Variants in TUBB8 observed in about 807,000 individuals in gnomAD.
The protein encoded by TUBB8 is tubulin beta 8 class VIII.
TUBB8 carries 25 observed loss-of-function variants against 33.7 expected under a neutral mutation model. The observed-to-expected ratio is 0.74, with a 90% confidence interval of 0.54 to 1.04. The LOEUF is 1.04. Ranked by LOEUF, TUBB8 falls within the 50% of genes least tolerant of loss-of-function variation. The probability of loss-of-function intolerance (pLI) is 0.00; values close to 1 mark genes in which losing one functional copy is unlikely to be tolerated. For missense variants in TUBB8, 279 were observed against 608.0 expected, an observed-to-expected ratio of 0.46 and a Z score of 5.69; for synonymous variants, 245 against 240.1, an observed-to-expected ratio of 1.02 and a Z score of -0.19.
intron 1 of TUBB8, among the ~76,000 whole-genome samples, chr10:61,393 A>C (rs1212242801): frequency 6.6e-6 from 1 of 152,126 alleles, no homozygotes; most frequent in Non-Finnish European, 1.5e-5. Context: ...ATATTGTTTA[A>C]TGTCCAAGTG....
intron 1 of TUBB8, among the ~76,000 whole-genome samples, chr10:56,544 C>T (rs546194978): frequency 1.9e-3 from 290 of 152,348 alleles, no homozygotes; most frequent in African/African-American, 6.4e-3. Context: ...AAAAATAAAT[C>T]CGGTGCTTGC....
At chr10:51,909 C>G (rs1263209395), upstream of TUBB8, among the ~76,000 whole-genome samples, 1 of 152,184 alleles carries the variant, frequency 6.6e-6, no homozygotes, top group Non-Finnish European at 1.5e-5. Context: ...AAAGTAAAAG[C>G]TAAACTGTTT....
chr10:48,616 G>A lies in TUBB8; in HGVS notation c.276C>T (p.Phe92=), dbSNP rs782710819. The A allele has an allele frequency of 3.7e-6, 6 of 1,611,992 alleles. No homozygotes were observed. Among genetic ancestry groups the A allele is most frequent in the South Asian group, 3.3e-5 (3 of 90,998 alleles). The stretch of plus-strand genomic sequence containing the variant: ...CCCCAGTCCTCGCCCGCAGCTCACC[G>A]AAGATGAAGTTGTCTGGCCTGAAGA... ...GQVFRPDNFI[F]GQCGAGNNWA... The change falls in exon 3 of 4, where the codon TTC becomes TTT. Residue 92 remains phenylalanine, a splice_region_variant and synonymous_variant. Coordinates refer to ENST00000568584, the MANE Select transcript of TUBB8 (RefSeq NM_177987.3).
intron 1 of TUBB8, among the ~76,000 whole-genome samples, chr10:65,596 G>A: frequency 6.6e-6 from 1 of 152,184 alleles, no homozygotes; most frequent in South Asian, 2.1e-4. Flanking sequence ...GTGGTGGCGG[G>A]AGCCTGTAAT....
At chr10:61,598 A>C (rs1212568477) in intron 1 of TUBB8, among the ~76,000 whole-genome samples, 2 of 152,230 alleles carry the variant, frequency 1.3e-5, no homozygotes, top group African/African-American at 4.8e-5. Context: ...ATTTTCTGTA[A>C]ATATCTATTA....
chr10:68,239 CA>C (rs1834696125), intron 1 of TUBB8, among the ~76,000 whole-genome samples: 1 of 152,220 alleles, frequency 6.6e-6, no homozygotes, highest in African/African-American at 2.4e-5. Flanking sequence ...GTGAAGCCCA[CA>C]AGATTCATGA....
At position 57,183 on chromosome 10, in the gene TUBB8, G is replaced by A. The variant is rs1264557924; in HGVS notation, c.-845-6950C>T. Among the ~76,000 whole-genome samples the A allele has an allele frequency of 4.6e-5, 7 of 152,246 alleles. No homozygotes were observed. In the East Asian group the frequency reaches 1.2e-3, roughly 25 times the overall value. On this transcript the variant is annotated intron_variant, in intron 1 of 3. Transcript: ENST00000564130. ...ACGTTTAGACCTTGTGGCTTTGCAT[G>A]GTTCAGCCCCCACAGCTGCTCTCAT...
intron 1 of TUBB8, among the ~76,000 whole-genome samples, chr10:71,141 G>A (rs1280128088): frequency 1.3e-5 from 2 of 151,754 alleles, no homozygotes; most frequent in African/African-American, 4.8e-5. Flanking sequence ...GTGAAACCCC[G>A]CCTCTACTAA....
upstream of TUBB8, among the ~76,000 whole-genome samples, chr10:52,376 C>T (rs141644947): frequency 5.1e-3 from 771 of 152,272 alleles, 2 homozygotes; most frequent in African/African-American, 0.017. Flanking sequence ...GGTCCTGACA[C>T]AGACCACAAA....
chr10:50,650 C>T (rs370837473), upstream of TUBB8, among the ~76,000 whole-genome samples: 2 of 152,288 alleles, frequency 1.3e-5, no homozygotes, highest in Middle Eastern at 3.4e-3. Context: ...CAGGAGTCCC[C>T]ACCCATTCCA....
intron 1 of TUBB8, among the ~76,000 whole-genome samples, chr10:73,413 G>T (rs1471692299): frequency 1.3e-5 from 2 of 152,198 alleles, no homozygotes; most frequent in Non-Finnish European, 2.9e-5. Context: ...GGCCGAGGTG[G>T]GTGAATCACC....
At chr10:73,322 A>G (rs1171280724) in intron 1 of TUBB8, among the ~76,000 whole-genome samples, 11 of 152,248 alleles carry the variant, frequency 7.2e-5, no homozygotes, top group African/African-American at 2.4e-4. Context: ...TGTTGTTTCT[A>G]CTATGTTAAC....
At chr10:74,317 T>C (rs1204448876), upstream of TUBB8, among the ~76,000 whole-genome samples, 5 of 151,460 alleles carry the variant, frequency 3.3e-5, no homozygotes, top group African/African-American at 9.7e-5. Context: ...ATCCCGTCCC[T>C]TGACCGGAAC....
At position 48,794 on chromosome 10, in the gene TUBB8, G is replaced by A; in HGVS notation, c.166+10C>T. Reference sequence around the variant, plus strand: ...CCAGGAGGGCGGTGGGGGAAGGACGGGGGTCTCACCGCTGGCCTCGTTGTA... The same window carrying A: ...CCAGGAGGGCGGTGGGGGAAGGACGAGGGTCTCACCGCTGGCCTCGTTGTA... On this transcript the variant is annotated intron_variant, in intron 2 of 3. Coordinates refer to ENST00000568584, the MANE Select transcript of TUBB8 (RefSeq NM_177987.3). The A allele has an allele frequency of 1.2e-6, 2 of 1,611,616 alleles. No homozygotes were observed. Among genetic ancestry groups the A allele is most frequent in the East Asian group, 2.2e-5 (1 of 44,826 alleles).
upstream of TUBB8, among the ~76,000 whole-genome samples, chr10:74,625 C>CAAAAAAAAAA (rs35723619): frequency 1.1e-5 from 1 of 89,680 alleles, no homozygotes; most frequent in Non-Finnish European, 2.2e-5. Flanking sequence ...GACTCAGTAT[C>CAAAAAAAAAA]AAAAAAAAAA....
chr10:50,894 A>T (rs1834459265), upstream of TUBB8, among the ~76,000 whole-genome samples: 1 of 151,666 alleles, frequency 6.6e-6, no homozygotes, highest in African/African-American at 2.4e-5. Context: ...TCTGTTAACC[A>T]CTCTTCCTTG....
chr10:54,078 A>C (rs1384316746), upstream of TUBB8, among the ~76,000 whole-genome samples: 2 of 146,232 alleles, frequency 1.4e-5, no homozygotes, highest in Middle Eastern at 3.2e-3. Flanking sequence ...TATAAAATGT[A>C]TAAATTATTT....
At chr10:50,753 T>G (rs1268734591), upstream of TUBB8, among the ~76,000 whole-genome samples, 1 of 152,230 alleles carries the variant, frequency 6.6e-6, no homozygotes, top group East Asian at 1.9e-4. Flanking sequence ...AGGGGCCTAG[T>G]TAGTTCAATT....
chr10:46,816 G>A (rs1240711507), downstream of TUBB8: 22 of 431,366 alleles, frequency 5.1e-5, no homozygotes, highest in Non-Finnish European at 7.2e-5. Flanking sequence ...GACAGCTTCC[G>A]CCTTGCAGGA....
Sources: allele counts gnomAD v4.1 joint callset (sites outside exome capture counted in the v4.1 genomes callset), GRCh38; gene constraint gnomAD v4.1.1; transcripts MANE v1.5; gene names NCBI Gene and HGNC (gene_info 2026-07-23, HGNC 2026-07-21).